The following CEP85L variants were observed in gnomAD, a reference collection of about 807,000 sequenced individuals.
The protein encoded by CEP85L is centrosomal protein of 85 kDa-like.
In CEP85L, 60 loss-of-function variants were observed where a neutral mutation model predicts 100.3. The ratio of observed to expected loss-of-function variants is 0.60; its 90% CI spans 0.49 to 0.74. CEP85L has a LOEUF of 0.74. Among genes scored for constraint, CEP85L ranks in the 30% least tolerant of loss-of-function variants. The pLI is 0.00. For missense variants in CEP85L, 973 were observed against 936.2 expected, an observed-to-expected ratio of 1.04 and a Z score of -0.51; for synonymous variants, 319 against 322.7, an observed-to-expected ratio of 0.99 and a Z score of 0.12.
chr6:118,494,716 T>A (rs1319827154), intron 5 of CEP85L, among the ~76,000 whole-genome samples: 3 of 152,170 alleles, frequency 2.0e-5, no homozygotes, highest in Non-Finnish European at 4.4e-5. Context: ...TACCACTGCA[T>A]TACTAAAGCT....
At chr6:118,692,119 T>C (rs184652941) in intron 1 of CEP85L, among the ~76,000 whole-genome samples, 1 of 152,214 alleles carries the variant, frequency 6.6e-6, no homozygotes, top group East Asian at 1.9e-4. Flanking sequence ...TTCTGGGTCT[T>C]AATGATGACA....
intron 5 of CEP85L, among the ~76,000 whole-genome samples, chr6:118,510,442 G>A (rs1209342486): frequency 2.0e-5 from 3 of 151,502 alleles, no homozygotes; most frequent in Admixed American, 6.6e-5. Flanking sequence ...AATGTGAATG[G>A]GCCCTTAAAT....
chr6:118,534,374 C>T (rs1396528383), intron 3 of CEP85L, among the ~76,000 whole-genome samples: 1 of 151,858 alleles, frequency 6.6e-6, no homozygotes. Context: ...AAAAACTGGC[C>T]AGGTGCGGTG....
At chr6:118,478,155 A>C (rs530324199) in intron 10 of CEP85L, among the ~76,000 whole-genome samples, 1 of 152,082 alleles carries the variant, frequency 6.6e-6, no homozygotes, top group Non-Finnish European at 1.5e-5. Flanking sequence ...TTTTCAACCC[A>C]AAGTGTTCTT....
chr6:118,619,148 G>T (rs143780730), intron 2 of CEP85L, among the ~76,000 whole-genome samples: 385 of 151,684 alleles, frequency 2.5e-3, no homozygotes, highest in Admixed American at 5.9e-3. Flanking sequence ...GCATACCTGT[G>T]TTTAAAATTC....
rs1772435716 is a variant in CEP85L, at chr6:118,465,346, C to T, written c.*59G>A. 6.6e-6 allele frequency: 10 copies of T among 1,524,344 alleles called. No homozygotes were observed. Among genetic ancestry groups the T allele is most frequent in the African/African-American group, 5.5e-5 (4 of 72,510 alleles). The allele number at this position is 1,524,344 out of a possible 1,614,324, so 94.4% of individuals were successfully genotyped here. A position where few individuals can be genotyped will look rare whatever the true frequency, so the allele number is the denominator to read the frequency against. On this transcript the variant is annotated 3_prime_UTR_variant, in exon 13 of 13. Transcript: ENST00000368491. ...TGTCACTTGCAACCTTCCATTATGG[C>T]TCCATAACACAGCAGCATTTAAACA...
At chr6:118,706,285 A>C (rs954548889) in intron 1 of CEP85L, among the ~76,000 whole-genome samples, 8 of 152,212 alleles carry the variant, frequency 5.3e-5, no homozygotes, top group Admixed American at 2.6e-4. Flanking sequence ...AATGAAGCTG[A>C]TGCATTTCCA....
chr6:118,524,007 TAA>T, intron 3 of CEP85L, 87 bp from the exon 4 acceptor site: 1 of 525,242 alleles, frequency 1.9e-6, no homozygotes, highest in Non-Finnish European at 3.1e-6. Context: ...AGATTTATAT[TAA>T]AAAAAAAGAA....
chr6:118,518,041 T>C (rs1456248256), intron 4 of CEP85L, among the ~76,000 whole-genome samples: 2 of 152,220 alleles, frequency 1.3e-5, no homozygotes, highest in East Asian at 1.9e-4. Flanking sequence ...TTTATTGATA[T>C]GCGTATGTTG....
rs183578888 is a variant in CEP85L at position 118,469,597 on chromosome 6, G to T, written c.2023-294C>A. Among the ~76,000 whole-genome samples the T allele has an allele frequency of 1.9e-3, 288 of 152,118 alleles. 5 individuals carry two copies. Among genetic ancestry groups the T allele is most frequent in the East Asian group, 9.1e-3 (47 of 5,158 alleles). On this transcript the variant is annotated intron_variant, in intron 11 of 12. Coordinates refer to ENST00000368491, the MANE Select transcript of CEP85L (RefSeq NM_001042475.3). ...GAGTCTCTCACGTAATAAGCATGTTGGTTGTGTATGTATTTTTCTTTTTTG... is the reference window on the plus strand; with the variant it reads ...GAGTCTCTCACGTAATAAGCATGTTTGTTGTGTATGTATTTTTCTTTTTTG...
rs547258454 is a variant in CEP85L, at chr6:118,700,859, G to C, written c.-28+9177C>G. On this transcript the variant is annotated intron_variant, in intron 1 of 13. Transcript: ENST00000368488. ...CCTCAAGAGTCTGCATGTTTATTAT[G>C]TAACATAGTAAGGATTCTGAGGCAA... is the stretch of plus-strand genomic sequence containing the variant. Among the ~76,000 whole-genome samples the C allele has an allele frequency of 1.6e-4, 24 of 152,310 alleles. No homozygotes were observed. The South Asian group carries it at 4.8e-3, about 30-fold the overall frequency.
At chr6:118,566,836 T>A (rs562198424) in intron 2 of CEP85L, among the ~76,000 whole-genome samples, 24 of 152,162 alleles carry the variant, frequency 1.6e-4, no homozygotes, top group African/African-American at 5.8e-4. Context: ...CCTAATAGAG[T>A]ATATGGCCTT....
chr6:118,487,390 ATGG>A (rs1774261050), intron 6 of CEP85L, among the ~76,000 whole-genome samples: 1 of 152,220 alleles, frequency 6.6e-6, no homozygotes, highest in South Asian at 2.1e-4. Flanking sequence ...TGTCAGCAAG[ATGG>A]CAGAAAAGCA....
intron 2 of CEP85L, among the ~76,000 whole-genome samples, chr6:118,601,796 G>C (rs1006877420): frequency 4.6e-5 from 7 of 152,188 alleles, no homozygotes; most frequent in African/African-American, 1.7e-4. Context: ...ACGCTGGTGG[G>C]AGTGTCGCAG....
At chr6:118,603,414 C>T (rs1052106245) in intron 2 of CEP85L, among the ~76,000 whole-genome samples, 9 of 152,278 alleles carry the variant, frequency 5.9e-5, no homozygotes, top group African/African-American at 1.9e-4. Context: ...AACCAATTTA[C>T]CCAATTGTGT....
At chr6:118,540,560 TC>T (rs1257451897) in intron 3 of CEP85L, among the ~76,000 whole-genome samples, 1 of 151,882 alleles carries the variant, frequency 6.6e-6, no homozygotes, top group East Asian at 1.9e-4. Flanking sequence ...ATGTAGACCA[TC>T]CTGGCCAACA....
chr6:118,542,673 T>C (rs1186700417), intron 3 of CEP85L, among the ~76,000 whole-genome samples: 1 of 151,926 alleles, frequency 6.6e-6, no homozygotes, highest in Non-Finnish European at 1.5e-5. Flanking sequence ...CTCATTAATA[T>C]TCCTTGACCA....
chr6:118,620,738 G>A lies in CEP85L; in HGVS notation c.232+11715C>T, dbSNP rs1044208511. On this transcript the variant is annotated intron_variant, in intron 2 of 12. Transcript: ENST00000368491. ...TGGACACCAGCACGGTCTTCTCAGT[G>A]TTAATCTCCTGCCCTAGACAGTTAT... Among the ~76,000 whole-genome samples, 4 of 152,160 alleles carry A rather than the reference G, an allele frequency of 2.6e-5. No individual in the cohort carries two copies. In the South Asian group the frequency reaches 8.3e-4, roughly 32 times the overall value.
chr6:118,497,388 G>A (rs937867336), intron 5 of CEP85L, among the ~76,000 whole-genome samples: 3 of 152,154 alleles, frequency 2.0e-5, no homozygotes, highest in African/African-American at 7.2e-5. Context: ...GGGTGTCACT[G>A]ACTCCCAACA....
Sources: gnomAD v4.1 joint callset for allele counts (sites outside exome capture counted in the v4.1 genomes callset) on GRCh38, gnomAD v4.1.1 for gene constraint, MANE v1.5 for transcripts, NCBI Gene and HGNC (gene_info 2026-07-23, HGNC 2026-07-21) for gene names.